Variants in HOMER1 observed in about 807,000 individuals in gnomAD.
HOMER1 encodes homer protein homolog 1.
HOMER1 carries 3 observed loss-of-function variants against 48.9 expected under a neutral mutation model. The observed-to-expected ratio is 0.06, with a 90% CI of 0.03 to 0.16. HOMER1 has a LOEUF of 0.16. HOMER1 is among the 10% of genes least tolerant of loss of function. HOMER1 has a pLI of 1.00. For missense variants in HOMER1, 247 were observed against 411.4 expected, an observed-to-expected ratio of 0.60 and a Z score of 3.46; for synonymous variants, 134 against 146.4, an observed-to-expected ratio of 0.92 and a Z score of 0.61.
At chr5:79,421,154 T>C (rs923885392) in intron 5 of HOMER1, among the ~76,000 whole-genome samples, 5 of 152,240 alleles carry the variant, frequency 3.3e-5, no homozygotes, top group Admixed American at 6.5e-5. Context: ...ATTTTTGAAC[T>C]ATTAGGGCAA....
intron 8 of HOMER1, among the ~76,000 whole-genome samples, chr5:79,393,900 C>T (rs1749313156): frequency 6.6e-6 from 1 of 152,042 alleles, no homozygotes; most frequent in African/African-American, 2.4e-5. Flanking sequence ...TATCTATATC[C>T]ATCTCTTATA....
At chr5:79,506,936 G>C (rs1352340609) in intron 1 of HOMER1, among the ~76,000 whole-genome samples, 2 of 151,872 alleles carry the variant, frequency 1.3e-5, no homozygotes, top group Non-Finnish European at 2.9e-5. Context: ...ACTCTTGGCA[G>C]GGCGCGGTGG....
At chr5:79,478,075 A>G (rs931440901) in intron 1 of HOMER1, among the ~76,000 whole-genome samples, 1 of 152,198 alleles carries the variant, frequency 6.6e-6, no homozygotes, top group Non-Finnish European at 1.5e-5. Context: ...CATTTTAACA[A>G]GACCATTTTC....
intron 4 of HOMER1, among the ~76,000 whole-genome samples, chr5:79,446,804 ATTTTT>A (rs35036295): frequency 1.5e-4 from 15 of 101,732 alleles, no homozygotes; most frequent in Middle Eastern, 5.9e-3. Context: ...CACTTGGCTA[ATTTTT>A]TTTTTTTTTT....
At chr5:79,446,771 G>A (rs2112287124) in intron 4 of HOMER1, among the ~76,000 whole-genome samples, 1 of 148,402 alleles carries the variant, frequency 6.7e-6, no homozygotes, top group South Asian at 2.2e-4. Flanking sequence ...CCAAGTAGCT[G>A]AGACCACAGG....
At chr5:79,462,158 C>T (rs761966793) in intron 1 of HOMER1, among the ~76,000 whole-genome samples, 21 of 152,128 alleles carry the variant, frequency 1.4e-4, no homozygotes, top group Non-Finnish European at 2.8e-4. Context: ...AAGATCACGC[C>T]ACTGCACCCC....
chr5:79,408,504 T>C (rs73769654), intron 5 of HOMER1, among the ~76,000 whole-genome samples: 4 of 152,232 alleles, frequency 2.6e-5, no homozygotes, highest in African/African-American at 9.6e-5. Flanking sequence ...AAAGGTATGA[T>C]AATACGAAGG....
chr5:79,394,094 CAG>C (rs1377860328), intron 8 of HOMER1, among the ~76,000 whole-genome samples: 1 of 152,024 alleles, frequency 6.6e-6, no homozygotes. Context: ...ACATTTATAA[CAG>C]AAATATCCAA....
chr5:79,472,355 A>G (rs745701736), intron 1 of HOMER1, among the ~76,000 whole-genome samples: 1 of 152,244 alleles, frequency 6.6e-6, no homozygotes, highest in Non-Finnish European at 1.5e-5. Flanking sequence ...GCTTTTAAAT[A>G]CACAGCTAGT....
At chr5:79,480,263 C>T (rs1751910923) in intron 1 of HOMER1, among the ~76,000 whole-genome samples, 1 of 152,096 alleles carries the variant, frequency 6.6e-6, no homozygotes, top group Non-Finnish European at 1.5e-5. Context: ...TGGAGAAAAA[C>T]ATTTTGTTGA....
chr5:79,428,615 C>G (rs1431041648), intron 5 of HOMER1, among the ~76,000 whole-genome samples: 1 of 152,040 alleles, frequency 6.6e-6, no homozygotes, highest in African/African-American at 2.4e-5. Flanking sequence ...GATCACTACA[C>G]AACAATCATC....
At chr5:79,510,288 TAAAC>T in intron 1 of HOMER1, 1 of 362,052 alleles carries the variant, frequency 2.8e-6, no homozygotes, top group South Asian at 2.4e-5. Context: ...CATTCATTTA[TAAAC>T]AAATTAATTA....
intron 4 of HOMER1, among the ~76,000 whole-genome samples, chr5:79,441,142 G>T (rs1691159706): frequency 6.6e-6 from 1 of 152,068 alleles, no homozygotes; most frequent in African/African-American, 2.4e-5. Context: ...GCAACAGAGT[G>T]AGACTCCATC....
intron 1 of HOMER1, among the ~76,000 whole-genome samples, chr5:79,497,520 G>A (rs1159833780): frequency 1.3e-5 from 2 of 151,656 alleles, no homozygotes; most frequent in African/African-American, 4.8e-5. Context: ...TAAATAATTA[G>A]CCAGGCATGG....
chr5:79,382,859 T>C (rs769720812), intron 8 of HOMER1, among the ~76,000 whole-genome samples: 2 of 152,150 alleles, frequency 1.3e-5, no homozygotes, highest in Non-Finnish European at 2.9e-5. Context: ...CAATTAGCAA[T>C]GTGACAGAAC....
intron 1 of HOMER1, among the ~76,000 whole-genome samples, chr5:79,467,894 AG>A (rs1485030068): frequency 1.3e-5 from 2 of 152,108 alleles, no homozygotes; most frequent in African/African-American, 4.8e-5. Flanking sequence ...CTCCTGCCTT[AG>A]CCTCCAGAGT....
chr5:79,440,637 G>A (rs1026975186), intron 4 of HOMER1, among the ~76,000 whole-genome samples: 1 of 151,984 alleles, frequency 6.6e-6, no homozygotes, highest in Non-Finnish European at 1.5e-5. Flanking sequence ...GTGAATAATG[G>A]GAATAGCAAT....
intron 8 of HOMER1, among the ~76,000 whole-genome samples, chr5:79,384,750 A>T (rs772121516): frequency 2.6e-5 from 4 of 152,214 alleles, no homozygotes; most frequent in Non-Finnish European, 5.9e-5. Context: ...AATCCTCAAC[A>T]AAATACCAGC....
chr5:79,465,839 G>T (rs113068836), intron 1 of HOMER1, among the ~76,000 whole-genome samples: 1 of 151,596 alleles, frequency 6.6e-6, no homozygotes. Flanking sequence ...GTGATCCGCC[G>T]GCCTCAGCCT....
Sources: gnomAD v4.1 joint callset for allele counts (sites outside exome capture counted in the v4.1 genomes callset) on GRCh38, gnomAD v4.1.1 for gene constraint, MANE v1.5 for transcripts, NCBI Gene and HGNC (gene_info 2026-07-23, HGNC 2026-07-21) for gene names.